SAFB: variants seen among roughly 807,000 people sequenced by gnomAD.
The protein encoded by SAFB is scaffold attachment factor B, also known as scaffold attachment factor B1.
A neutral mutation model predicts 101.6 loss-of-function variants in SAFB; 15 were observed. The observed-to-expected ratio is 0.15, with a 90% confidence interval of 0.10 to 0.23. The LOEUF (loss-of-function observed/expected upper bound fraction) is 0.23, where lower values mean the gene tolerates loss of function less well. Among genes scored for constraint, SAFB ranks in the 10% least tolerant of loss-of-function variants. SAFB has a pLI of 1.00. For missense variants in SAFB, 930 were observed against 1,104.1 expected (o/e 0.84, Z 2.23); for synonymous variants, 449 against 407.5 (o/e 1.10, Z -1.23).
At chr19:5,661,419 A>G in intron 14 of SAFB, 99 bp from the exon 15 acceptor site, 1 of 1,538,316 alleles carries the variant, frequency 6.5e-7, no homozygotes, top group Admixed American at 2.0e-5. Context: ...GTGGACGCAC[A>G]GCCCTGGAGT....
intron 2 of SAFB, among the ~76,000 whole-genome samples, chr19:5,638,262 C>A (rs891827427): frequency 2.6e-5 from 4 of 152,138 alleles, no homozygotes; most frequent in African/African-American, 9.7e-5. Context: ...AAGTATGAAC[C>A]TAAGAAGGTA....
chr19:5,658,842 C>CAAAAA (rs1018876115), intron 14 of SAFB, among the ~76,000 whole-genome samples: 1 of 86,496 alleles, frequency 1.2e-5, no homozygotes, highest in African/African-American at 4.5e-5. Flanking sequence ...GACTCCATCT[C>CAAAAA]AAAAAAAAAG....
chr19:5,655,602 C>T (rs770335211), intron 13 of SAFB, among the ~76,000 whole-genome samples: 8 of 152,140 alleles, frequency 5.3e-5, no homozygotes, highest in African/African-American at 1.9e-4. Context: ...TTGGCAGCAG[C>T]CCCTCCTTAA....
In SAFB at chr19:5,666,725, A is replaced by G. The variant is rs1439336017; in HGVS notation, c.2335-321A>G. 9.9e-5 allele frequency: 40 copies of G among 404,744 alleles called. No homozygotes were observed. The Admixed American group carries it at 1.7e-3, about 17-fold the overall frequency. 25.1% of individuals were successfully genotyped at this position (404,744 alleles called of 1,614,324 possible). Reference sequence around the variant, plus strand: ...GGGAACTAACCATTTGAGCTGTGGGACCCAGGGAATCTCTCTTGTAAGCAT... The same window carrying G: ...GGGAACTAACCATTTGAGCTGTGGGGCCCAGGGAATCTCTCTTGTAAGCAT... On this transcript the variant is annotated intron_variant, in intron 17 of 20. Coordinates refer to ENST00000588852, the MANE Select transcript of SAFB (RefSeq NM_001201338.2).
intron 9 of SAFB, among the ~76,000 whole-genome samples, chr19:5,652,224 A>AT (rs1302112502): frequency 4.6e-5 from 7 of 152,028 alleles, no homozygotes. Context: ...AAAACTAATT[A>AT]TGTCATTATT....
chr19:5,633,560 A>C (rs1568251387), intron 2 of SAFB, among the ~76,000 whole-genome samples: 1 of 152,072 alleles, frequency 6.6e-6, no homozygotes, highest in Non-Finnish European at 1.5e-5. Flanking sequence ...CAGGCGGATC[A>C]TGAGGTCGGG....
chr19:5,664,624 T>C (rs2054289061), intron 17 of SAFB, 185 bp downstream of exon 17: 2 of 575,588 alleles, frequency 3.5e-6, no homozygotes, highest in African/African-American at 1.9e-5. Context: ...TAGTCTTGGC[T>C]GTCAGTCCAA....
At chr19:5,630,507 C>T (rs1042586788) in intron 2 of SAFB, among the ~76,000 whole-genome samples, 4 of 152,186 alleles carry the variant, frequency 2.6e-5, no homozygotes, top group Non-Finnish European at 4.4e-5. Flanking sequence ...CGGTGGCACA[C>T]GTCCGTAATC....
In SAFB at chr19:5,668,175, G is replaced by A. The variant is rs1304700500; in HGVS notation, c.2638G>A (p.Ala880Thr). The A allele has an allele frequency of 1.2e-6, 2 of 1,605,776 alleles. No individual in the cohort carries two copies. The highest frequency in any genetic ancestry group is 1.7e-5 in the Admixed American group (1 of 57,376). ...RGGMSGRGSF[A>T]PGGASRGHPI... ...ATTTGTTCCTAGGCGCGGCAGCTTT[G>A]CCCCAGGCGGGGCCTCCCGGGGCCA... The change falls in exon 21 of 21, where the codon GCC (alanine) becomes ACC (threonine). Residue 880 changes from alanine to threonine, a missense_variant. Coordinates refer to ENST00000588852, the MANE Select transcript of SAFB (RefSeq NM_001201338.2).
intron 8 of SAFB, 84 bp downstream of exon 8, chr19:5,650,059 T>A: frequency 9.5e-7 from 1 of 1,053,702 alleles, no homozygotes; most frequent in Non-Finnish European, 1.5e-6. Context: ...CATCGCGTGC[T>A]ATGCTCCTTA....
intron 1 of SAFB, among the ~76,000 whole-genome samples, chr19:5,624,369 C>T (rs1024979560): frequency 1.6e-4 from 25 of 152,146 alleles, no homozygotes; most frequent in African/African-American, 5.8e-4. Flanking sequence ...TTCGCTTTTC[C>T]TCTCTGTGCC....
chr19:5,639,104 A>G (rs1010261241), intron 2 of SAFB, among the ~76,000 whole-genome samples: 1 of 152,246 alleles, frequency 6.6e-6, no homozygotes, highest in Non-Finnish European at 1.5e-5. Context: ...GTGGAAGAGA[A>G]TGGAAACAAG....
chr19:5,626,023 G>A (rs2053351050), intron 1 of SAFB, among the ~76,000 whole-genome samples: 1 of 152,142 alleles, frequency 6.6e-6, no homozygotes, highest in Non-Finnish European at 1.5e-5. Flanking sequence ...CCCTTTTTGA[G>A]TTCTTCTGGG....
rs1466794404 is a variant in SAFB, at chr19:5,657,275, G to T, written c.1790G>T (p.Arg597Ile). 6.2e-7 allele frequency: 1 copy of T among 1,614,092 alleles called. No homozygotes were observed. Among genetic ancestry groups the T allele is most frequent in the East Asian group, 2.2e-5 (1 of 44,880 alleles). ...SKSQDRKSAS[R>I]EKRSVVSFDK... ...AGCCAGGATCGCAAATCAGCCAGCA[G>T]AGAGAAGCGGTCCGTCGTGTCCTTT... is the stretch of plus-strand genomic sequence containing the variant. The change falls in exon 14 of 21, where the codon AGA (arginine) becomes ATA (isoleucine). Residue 597 changes from arginine to isoleucine, a missense_variant. Arg to Ile is a moderately conservative substitution (Grantham distance 97, BLOSUM62 -3). Coordinates refer to ENST00000588852, the MANE Select transcript of SAFB (RefSeq NM_001201338.2).
In SAFB at chr19:5,667,825, G is replaced by A. The variant is rs1392715348; in HGVS notation, c.2563G>A (p.Glu855Lys). Reference sequence around the variant, plus strand: ...AAAGCACGTCTGTCTTCCAGGTGGCGAGAGAAGCATGTCCGGTCACTCCGG... The same window carrying A: ...AAAGCACGTCTGTCTTCCAGGTGGCAAGAGAAGCATGTCCGGTCACTCCGG... ...DRDHKRWQGG[E>K]RSMSGHSGPG... is the part of the protein sequence containing the mutation. The change falls in exon 20 of 21, where the codon GAG becomes AAG. Residue 855 changes from glutamate to lysine, a missense_variant. Around this residue, in one of 7 missense-constraint regions of SAFB, gnomAD observed 318 missense variants for 342.6 expected, o/e 0.93. Transcript: ENST00000588852. The surrounding 1 kb of genome is among the most constrained non-coding windows in gnomAD (Gnocchi z 4.0). The A allele has an allele frequency of 6.2e-6, 10 of 1,613,940 alleles. No individual in the cohort carries two copies. Among genetic ancestry groups the A allele is most frequent in the African/African-American group, 5.3e-5 (4 of 74,950 alleles).
intron 15 of SAFB, among the ~76,000 whole-genome samples, chr19:5,662,873 C>T (rs1487392849): frequency 1.3e-5 from 2 of 151,792 alleles, no homozygotes; most frequent in Non-Finnish European, 2.9e-5. Context: ...AACTCCTGAC[C>T]TCAGGTGATC....
chr19:5,651,944 C>T (rs1484615785), intron 9 of SAFB, among the ~76,000 whole-genome samples: 1 of 152,204 alleles, frequency 6.6e-6, no homozygotes, highest in Non-Finnish European at 1.5e-5. Flanking sequence ...GCCTGTAATT[C>T]CAGCACTTTG....
At position 5,649,019 on chromosome 19, in the gene SAFB, A is replaced by G. The variant is rs2145447039; in HGVS notation, c.668A>G (p.Glu223Gly). The change falls in exon 7 of 21, where the codon GAA becomes GGA. Residue 223 changes from glutamate (E) to glycine (G), a missense_variant. Glu to Gly is a moderately conservative substitution (Grantham distance 98, BLOSUM62 -2). This residue lies in a region of SAFB where 130 missense variants were observed against 114.2 expected (regional missense o/e 1.14). Coordinates refer to ENST00000588852, the MANE Select transcript of SAFB (RefSeq NM_001201338.2). ...GAGAAAATACTCGACATTTTGGGGG[A>G]AACTTGTAAATCTGAGCCAGTAAAA... ...ENEKILDILG[E>G]TCKSEPVKEE... 2.0e-6 allele frequency: 1 copy of G among 497,826 alleles called. No homozygotes were observed. The highest frequency in any genetic ancestry group is 2.9e-5 in the African/African-American group (1 of 34,118). The allele number at this position is 497,826 out of a possible 1,614,324, so 30.8% of individuals were successfully genotyped here. A position where few individuals can be genotyped will look rare whatever the true frequency, so the allele number is the denominator to read the frequency against.
chr19:5,631,693 A>G (rs1447116855), intron 2 of SAFB, among the ~76,000 whole-genome samples: 4 of 152,222 alleles, frequency 2.6e-5, no homozygotes, highest in Non-Finnish European at 5.9e-5. Context: ...AAAACTGCTT[A>G]TACAGCAAAA....
Sources: gnomAD v4.1 joint callset for allele counts (sites outside exome capture counted in the v4.1 genomes callset) on GRCh38, gnomAD v4.1.1 for gene constraint, gnomAD v4.1.1 regional missense constraint, Gnocchi (gnomAD v3.1) non-coding constraint, MANE v1.5 for transcripts, NCBI Gene and HGNC (gene_info 2026-07-23, HGNC 2026-07-21) for gene names.